MBTPS1: variants seen among roughly 807,000 people sequenced by gnomAD.
The protein encoded by MBTPS1 is membrane bound transcription factor peptidase, site 1.
MBTPS1 carries 94 observed loss-of-function variants against 127.8 expected under a neutral mutation model. The ratio of observed to expected loss-of-function variants is 0.74; its 90% CI spans 0.62 to 0.87. The LOEUF (loss-of-function observed/expected upper bound fraction) is 0.87, where lower values mean the gene tolerates loss of function less well. Among genes scored for constraint, MBTPS1 ranks in the 40% least tolerant of loss-of-function variants. The probability of loss-of-function intolerance (pLI) is 0.00; values close to 1 mark genes in which losing one functional copy is unlikely to be tolerated. For synonymous variants in MBTPS1, 632 were observed against 509.4 expected, an observed-to-expected ratio of 1.24 and a Z score of -3.24; for missense variants, 1,636 against 1,353.2, an observed-to-expected ratio of 1.21 and a Z score of -3.28.
At chr16:84,110,116 T>G (rs1190686719) in intron 1 of MBTPS1, among the ~76,000 whole-genome samples, 1 of 152,240 alleles carries the variant, frequency 6.6e-6, no homozygotes. Context: ...GACAGGCACA[T>G]TCTAAGCCTC....
At chr16:84,068,106 G>T (rs2085714949) in intron 15 of MBTPS1, among the ~76,000 whole-genome samples, 1 of 152,182 alleles carries the variant, frequency 6.6e-6, no homozygotes, top group African/African-American at 2.4e-5. Flanking sequence ...TTAACTTAAA[G>T]AAAAAAGAGT....
chr16:84,093,090 C>G (rs141089380), intron 6 of MBTPS1, 98 bp downstream of exon 6: 2 of 823,456 alleles, frequency 2.4e-6, no homozygotes, highest in African/African-American at 3.3e-5. Flanking sequence ...GCGTCACTGA[C>G]GTGCACTCCT....
chr16:84,090,108 A>T (rs1003163995), intron 8 of MBTPS1, among the ~76,000 whole-genome samples: 2 of 152,210 alleles, frequency 1.3e-5, no homozygotes, highest in Admixed American at 6.5e-5. Flanking sequence ...TGCAAACATG[A>T]ACTTCACATA....
intron 1 of MBTPS1, among the ~76,000 whole-genome samples, chr16:84,116,060 G>A (rs187197053): frequency 2.0e-4 from 30 of 152,310 alleles, no homozygotes; most frequent in African/African-American, 6.7e-4. Flanking sequence ...ACTAAAGGAT[G>A]AGTCTCCAGA....
At position 84,087,390 on chromosome 16, in the gene MBTPS1, C is replaced by T. The variant is rs762711227; in HGVS notation, c.1102G>A (p.Ala368Thr). The T allele has an allele frequency of 3.1e-5, 50 of 1,611,278 alleles. No individual in the cohort carries two copies. The South Asian group carries it at 4.6e-4, about 15-fold the overall frequency. The change falls in exon 9 of 23, where the codon GCC becomes ACC. Residue 368 changes from alanine to threonine, a missense_variant. By Grantham distance (58) the Ala-to-Thr change is moderately conservative. Coordinates refer to ENST00000343411, the MANE Select transcript of MBTPS1 (RefSeq NM_003791.4). ...GTCATTCCCCTTGAAGAAAAGCGGGCGATGTTATCTTCAAAGTCAATGCCG... is the reference window on the plus strand; with the variant it reads ...GTCATTCCCCTTGAAGAAAAGCGGGTGATGTTATCTTCAAAGTCAATGCCG... The part of the protein sequence containing the change: ...VGGIDFEDNI[A>T]RFSSRGMTTW...
intron 6 of MBTPS1, among the ~76,000 whole-genome samples, chr16:84,092,840 T>C (rs2086128035): frequency 6.6e-6 from 1 of 152,210 alleles, no homozygotes. Context: ...AGCACACTTA[T>C]TCTATCTGCA....
In MBTPS1 at chr16:84,054,407, G is replaced by A. The variant is rs148810824; in HGVS notation, c.*42C>T. The A allele has an allele frequency of 1.9e-5, 29 of 1,531,036 alleles. No homozygotes were observed. Among genetic ancestry groups the A allele is most frequent in the African/African-American group, 6.9e-5 (5 of 72,498 alleles). 94.8% of individuals were successfully genotyped at this position (1,531,036 alleles called of 1,614,324 possible). A position where few individuals can be genotyped will look rare whatever the true frequency, so the allele number is the denominator to read the frequency against. On this transcript the variant is annotated 3_prime_UTR_variant, in exon 23 of 23. Transcript: ENST00000343411. ...CTCGGCTCACCCACCAGCGCCGTCCGTGAAGGCTCTCTCTGGCCCTCACGG... is the reference window on the plus strand; with the variant it reads ...CTCGGCTCACCCACCAGCGCCGTCCATGAAGGCTCTCTCTGGCCCTCACGG...
At chr16:84,063,538 C>A in intron 18 of MBTPS1, 93 bp from the exon 19 acceptor site, 1 of 1,235,954 alleles carries the variant, frequency 8.1e-7, no homozygotes, top group Non-Finnish European at 1.1e-6. Flanking sequence ...AAATAAACCA[C>A]ATTTACAAAA....
intron 12 of MBTPS1, among the ~76,000 whole-genome samples, chr16:84,071,248 G>C (rs1264865976): frequency 6.6e-6 from 1 of 152,216 alleles, no homozygotes; most frequent in African/African-American, 2.4e-5. Context: ...AGGGAGGACT[G>C]GCTCAGCTGC....
Position 84,093,185 on chromosome 16 carries a change from T to C in MBTPS1, c.846+3A>G, listed in dbSNP as rs1400999189. On this transcript the variant is annotated splice_donor_region_variant and intron_variant, in intron 6 of 22. Transcript: ENST00000343411. Reference sequence around the variant, plus strand: ...AAGTTTCAGGAGTCCTCAAAACACCTACCTGATTATTGGTAAAGACCCTGA... The same window carrying C: ...AAGTTTCAGGAGTCCTCAAAACACCCACCTGATTATTGGTAAAGACCCTGA... 1.3e-6 allele frequency: 2 copies of C among 1,594,892 alleles called. No individual in the cohort carries two copies. The highest frequency in any genetic ancestry group is 1.3e-5 in the African/African-American group (1 of 74,536).
In MBTPS1 at chr16:84,070,712, G is replaced by C; in HGVS notation, c.1658C>G (p.Ser553Trp). The change falls in exon 13 of 23, where the codon TCG becomes TGG. Residue 553 changes from serine (S) to tryptophan (W), a missense_variant. Transcript: ENST00000343411. ...GTAGCCCGACCAAGGCCATAAGACC[G>C]AGGAGTAGGAGAAGGCAACTTCAAT... ...DNIEVAFSYS[S>W]VLWPWSGYLA... 1 of 1,614,080 alleles carries C rather than the reference G, an allele frequency of 6.2e-7. No homozygotes were observed. Among genetic ancestry groups the C allele is most frequent in the Non-Finnish European group, 8.5e-7 (1 of 1,180,000 alleles).
At chr16:84,112,746 G>A (rs767476088) in intron 1 of MBTPS1, among the ~76,000 whole-genome samples, 15 of 151,346 alleles carry the variant, frequency 9.9e-5, no homozygotes, top group East Asian at 1.9e-4. Context: ...AGGCCGAGAC[G>A]GGCAGATCAC....
chr16:84,102,714 G>A (rs1433197474), intron 1 of MBTPS1, among the ~76,000 whole-genome samples: 1 of 152,078 alleles, frequency 6.6e-6, no homozygotes, highest in Non-Finnish European at 1.5e-5. Flanking sequence ...GCAAAAGCTT[G>A]GTATAAAGCC....
chr16:84,084,091 C>T (rs2085982934), intron 10 of MBTPS1, among the ~76,000 whole-genome samples: 1 of 152,142 alleles, frequency 6.6e-6, no homozygotes, highest in African/African-American at 2.4e-5. Context: ...TCCTGAGTAG[C>T]TGGGATTACA....
chr16:84,099,870 T>C (rs1271926030), intron 2 of MBTPS1, among the ~76,000 whole-genome samples: 1 of 150,694 alleles, frequency 6.6e-6, no homozygotes, highest in African/African-American at 2.4e-5. Context: ...AAAAAGCAAA[T>C]ACCTACAGAA....
intron 3 of MBTPS1, among the ~76,000 whole-genome samples, chr16:84,098,237 C>G (rs1265427720): frequency 6.6e-6 from 1 of 152,204 alleles, no homozygotes; most frequent in Non-Finnish European, 1.5e-5. Context: ...ACGAACCCAG[C>G]TGATGCATGA....
chr16:84,116,903 C>T lies in MBTPS1; in HGVS notation c.-493G>A, dbSNP rs957725263. ...CCTCAGCTCCGCCGACCCAGCGTGC[C>T]CTGTCTGTCCCGCGCTCCCGGGGCT... is the stretch of plus-strand genomic sequence containing the variant. On this transcript the variant is annotated 5_prime_UTR_variant, in exon 1 of 23. Coordinates refer to ENST00000343411, the MANE Select transcript of MBTPS1 (RefSeq NM_003791.4). 6.6e-6 allele frequency: 1 copy of T among 152,274 alleles called. No homozygotes were observed. The highest frequency in any genetic ancestry group is 2.4e-5 in the African/African-American group (1 of 41,470). The allele number at this position is 152,274 out of a possible 1,614,324, so 9.4% of individuals were successfully genotyped here. A position where few individuals can be genotyped will look rare whatever the true frequency, so the allele number is the denominator to read the frequency against.
intron 12 of MBTPS1, among the ~76,000 whole-genome samples, chr16:84,073,308 A>G (rs1360826499): frequency 2.6e-5 from 4 of 151,904 alleles, no homozygotes; most frequent in African/African-American, 9.7e-5. Context: ...TGATTTTTGT[A>G]TTTTTAGTAG....
intron 6 of MBTPS1, among the ~76,000 whole-genome samples, 162 bp downstream of exon 6, chr16:84,093,026 C>T (rs752770079): frequency 6.6e-6 from 1 of 152,182 alleles, no homozygotes; most frequent in South Asian, 2.1e-4. Flanking sequence ...CGGAGCCACC[C>T]AGGAGGCAGA....
Sources: gnomAD v4.1 joint callset for allele counts (sites outside exome capture counted in the v4.1 genomes callset) on GRCh38, gnomAD v4.1.1 for gene constraint, MANE v1.5 for transcripts, NCBI Gene and HGNC (gene_info 2026-07-23, HGNC 2026-07-21) for gene names.